The following LPIN1 variants were observed in gnomAD, a reference collection of about 807,000 sequenced individuals.
LPIN1 encodes the protein phosphatidate phosphatase LPIN1.
LPIN1 carries 71 observed loss-of-function variants against 107.5 expected under a neutral mutation model. That is an observed-to-expected ratio of 0.66 (90% CI 0.55 to 0.80). LPIN1 has a LOEUF of 0.80. Among genes scored for constraint, LPIN1 ranks in the 30% least tolerant of loss-of-function variants. LPIN1 has a pLI of 0.00. For synonymous variants in LPIN1, 445 were observed against 452.6 expected (o/e 0.98, Z 0.21); for missense variants, 1,043 against 1,160.6 (o/e 0.90, Z 1.47).
chr2:11,801,619 G>A (rs1677752998), intron 14 of LPIN1, among the ~76,000 whole-genome samples: 1 of 152,072 alleles, frequency 6.6e-6, no homozygotes, highest in Non-Finnish European at 1.5e-5. Context: ...GGGAGAGGAG[G>A]ATGAAGAGAG....
Position 11,825,231 on chromosome 2 carries a change from TA to T in LPIN1, c.*441del. ...GGCAAAGTAGGGGGCACATTTCCAT[TA>T]TAGCAATGTTAGTGCCACCACCTTC... is the stretch of plus-strand genomic sequence containing the variant. On this transcript the variant is annotated 3_prime_UTR_variant, in exon 21 of 21. Transcript: ENST00000674199. The surrounding 1 kb of genome is among the most constrained non-coding windows in gnomAD (Gnocchi z 4.1). 1 of 232,142 alleles carries T rather than the reference TA, an allele frequency of 4.3e-6. No homozygotes were observed. The highest frequency in any genetic ancestry group is 8.7e-6 in the Non-Finnish European group (1 of 115,470). The allele number at this position is 232,142 out of a possible 1,614,324, so 14.4% of individuals were successfully genotyped here.
chr2:11,778,948 T>C (rs1673099670), intron 6 of LPIN1, among the ~76,000 whole-genome samples: 1 of 152,214 alleles, frequency 6.6e-6, no homozygotes, highest in South Asian at 2.1e-4. Context: ...CTTAGAAAAT[T>C]TCAACTTGTA....
intron 1 of LPIN1, among the ~76,000 whole-genome samples, chr2:11,681,975 C>T (rs1375595286): frequency 1.3e-5 from 2 of 152,194 alleles, no homozygotes; most frequent in African/African-American, 4.8e-5. Context: ...TCTCCCATAC[C>T]GCGAACCCCC....
intron 17 of LPIN1, among the ~76,000 whole-genome samples, chr2:11,813,205 G>A (rs1226446910): frequency 1.3e-5 from 2 of 152,188 alleles, no homozygotes; most frequent in Admixed American, 1.3e-4. Flanking sequence ...ATAGTAGCCT[G>A]CAGCTTGGGA....
Position 11,803,092 on chromosome 2 carries a change from C to T in LPIN1, c.2013+59C>T. 6.2e-7 allele frequency: 1 copy of T among 1,607,814 alleles called. No individual in the cohort carries two copies. On this transcript the variant is annotated intron_variant, in intron 15 of 20. Coordinates refer to ENST00000674199, the MANE Select transcript of LPIN1 (RefSeq NM_001349206.2). The surrounding 1 kb of genome is among the most constrained non-coding windows in gnomAD (Gnocchi z 4.2). The stretch of plus-strand genomic sequence containing the variant: ...GAGCACATGAGGTTTCTGCAGACTC[C>T]TAAGGCTGTGTGATGGTTGGGATGT...
chr2:11,819,515 A>G lies in LPIN1; in HGVS notation c.2434A>G (p.Lys812Glu), dbSNP rs1553301320. The G allele has an allele frequency of 6.2e-7, 1 of 1,613,732 alleles. No individual in the cohort carries two copies. The highest frequency in any genetic ancestry group is 2.2e-5 in the East Asian group (1 of 44,882). Reference protein sequence around the residue: ...EVIEKKPEKFKVQCLTDIKNL... With the variant: ...EVIEKKPEKFEVQCLTDIKNL... ...GATTGAAAAGAAGCCAGAAAAGTTT[A>G]AAGTCCAGTGTTTGACAGACATCAA... is the stretch of plus-strand genomic sequence containing the variant. Residue 812 changes from lysine (K) to glutamate (E), a missense_variant, in exon 19 of 21, where the codon AAA (lysine) becomes GAA (glutamate). Lys to Glu is a moderately conservative substitution (Grantham distance 56). Coordinates refer to ENST00000674199, the MANE Select transcript of LPIN1 (RefSeq NM_001349206.2).
intron 1 of LPIN1, among the ~76,000 whole-genome samples, chr2:11,755,903 A>G (rs144645432): frequency 0.02 from 2,966 of 151,920 alleles, 87 homozygotes; most frequent in African/African-American, 0.066. Context: ...TTGTATTTTT[A>G]GTAGAGACGT....
intron 1 of LPIN1, among the ~76,000 whole-genome samples, chr2:11,725,410 T>C (rs1206683182): frequency 6.6e-6 from 1 of 152,226 alleles, no homozygotes; most frequent in East Asian, 1.9e-4. Flanking sequence ...CCTCAGAGCC[T>C]AATTCCTTTT....
intron 11 of LPIN1, 49 bp from the exon 12 acceptor site, chr2:11,788,338 T>G (rs1558916795): frequency 6.9e-7 from 1 of 1,449,036 alleles, no homozygotes; most frequent in African/African-American, 1.4e-5. Context: ...GGAAAGGTTT[T>G]CAGTCTGAGC....
At chr2:11,797,135 A>G (rs1313220498) in intron 14 of LPIN1, among the ~76,000 whole-genome samples, 1 of 152,260 alleles carries the variant, frequency 6.6e-6, no homozygotes, top group Admixed American at 6.5e-5. Context: ...CTTTCCTGGA[A>G]TTCATTTTAA....
upstream of LPIN1, chr2:11,722,480 G>T (rs1664217116): frequency 6.6e-6 from 1 of 152,222 alleles, no homozygotes; most frequent in Non-Finnish European, 1.5e-5. Flanking sequence ...GTAATGGCCA[G>T]TAGGGACTGC....
chr2:11,813,441 C>G (rs1310444525), intron 17 of LPIN1, among the ~76,000 whole-genome samples: 1 of 151,920 alleles, frequency 6.6e-6, no homozygotes, highest in African/African-American at 2.4e-5. Context: ...CAGAAAAGGT[C>G]ACACACAGGG....
Position 11,771,777 on chromosome 2 carries a change from T to C in LPIN1, c.596+98T>C. 1 of 1,318,354 alleles carries C rather than the reference T, an allele frequency of 7.6e-7. No homozygotes were observed. The highest frequency in any genetic ancestry group is 1.0e-6 in the Non-Finnish European group (1 of 956,654). 81.7% of individuals were successfully genotyped at this position (1,318,354 alleles called of 1,614,324 possible). On this transcript the variant is annotated intron_variant, in intron 4 of 20. Transcript: ENST00000674199. The surrounding 1 kb of genome is among the most constrained non-coding windows in gnomAD (Gnocchi z 4.8). ...TTTTCCCCCATAATTCCTTATTCTT[T>C]TATGTGTTTTAGACCAGTGGTCCCC...
intron 1 of LPIN1, among the ~76,000 whole-genome samples, chr2:11,725,526 A>C (rs6749129): frequency 0.58 from 88,860 of 152,086 alleles, 28,337 homozygotes; most frequent in African/African-American, 0.85. Context: ...TGGGCCCCCT[A>C]ACCCTTTCCT....
At chr2:11,811,281 C>G (rs1011885555) in intron 17 of LPIN1, among the ~76,000 whole-genome samples, 33 of 152,208 alleles carry the variant, frequency 2.2e-4, no homozygotes, top group African/African-American at 7.7e-4. Context: ...GTGGCATGTC[C>G]TGCCACCGGT....
At chr2:11,775,412 G>A (rs1050035939) in intron 5 of LPIN1, among the ~76,000 whole-genome samples, 5 of 152,202 alleles carry the variant, frequency 3.3e-5, no homozygotes, top group South Asian at 2.1e-4. Flanking sequence ...AACTCTGAGC[G>A]TGTTTAATGC....
intron 1 of LPIN1, among the ~76,000 whole-genome samples, chr2:11,708,938 A>G (rs185714821): frequency 6.6e-6 from 1 of 152,248 alleles, no homozygotes; most frequent in Non-Finnish European, 1.5e-5. Context: ...TACTATTATT[A>G]TTGTTATTAT....
At chr2:11,809,819 C>T (rs766150749) in intron 17 of LPIN1, among the ~76,000 whole-genome samples, 5 of 152,112 alleles carry the variant, frequency 3.3e-5, no homozygotes, top group African/African-American at 1.2e-4. Context: ...TAGGATGATG[C>T]GAGATGATAA....
intron 1 of LPIN1, among the ~76,000 whole-genome samples, chr2:11,726,480 C>T (rs1363629597): frequency 6.6e-6 from 1 of 152,132 alleles, no homozygotes; most frequent in African/African-American, 2.4e-5. Context: ...CCCCCGCCCC[C>T]CATCTCTTCT....
Sources: gnomAD v4.1 joint callset for allele counts (sites outside exome capture counted in the v4.1 genomes callset) on GRCh38, gnomAD v4.1.1 for gene constraint, Gnocchi (gnomAD v3.1) non-coding constraint, MANE v1.5 for transcripts, NCBI Gene and HGNC (gene_info 2026-07-23, HGNC 2026-07-21) for gene names.